Variants in RRP15 observed in about 807,000 individuals in gnomAD.
RRP15 encodes the protein ribosomal RNA processing 15 homolog.
RRP15 carries 18 observed loss-of-function variants against 27.1 expected under a neutral mutation model. The observed-to-expected ratio is 0.66, with a 90% CI of 0.46 to 0.98. The LOEUF (loss-of-function observed/expected upper bound fraction) is 0.98, where lower values mean the gene tolerates loss of function less well. Among genes scored for constraint, RRP15 ranks in the 50% least tolerant of loss-of-function variants. The pLI, the probability that RRP15 is intolerant of heterozygous loss-of-function variation, is 0.00. For synonymous variants in RRP15, 107 were observed against 109.4 expected (o/e 0.98, Z 0.14); for missense variants, 359 against 337.8 (o/e 1.06, Z -0.49).
intron 4 of RRP15, among the ~76,000 whole-genome samples, chr1:218,320,543 A>T (rs377609380): frequency 6.6e-6 from 1 of 152,172 alleles, no homozygotes; most frequent in African/African-American, 2.4e-5. Context: ...AGGAAAATCA[A>T]TGTTGAATTA....
chr1:218,316,764 A>G (rs1656095478), intron 4 of RRP15, among the ~76,000 whole-genome samples: 1 of 152,194 alleles, frequency 6.6e-6, no homozygotes, highest in African/African-American at 2.4e-5. Context: ...AGTTCCCTAT[A>G]TTGGTGCTTA....
intron 4 of RRP15, among the ~76,000 whole-genome samples, chr1:218,319,297 T>C (rs1656141098): frequency 6.6e-6 from 1 of 152,168 alleles, no homozygotes; most frequent in African/African-American, 2.4e-5. Flanking sequence ...ACTCCTGACC[T>C]CAGGTGATCC....
chr1:218,294,231 GCAAGTAAT>G (rs1226166254), intron 1 of RRP15, among the ~76,000 whole-genome samples: 2 of 152,198 alleles, frequency 1.3e-5, no homozygotes, highest in Non-Finnish European at 2.9e-5. Flanking sequence ...CACACCCTAA[GCAAGTAAT>G]CAATTCTGCA....
chr1:218,288,498 A>G (rs116066926), intron 1 of RRP15, among the ~76,000 whole-genome samples: 3,596 of 152,276 alleles, frequency 0.024, 57 homozygotes, highest in Non-Finnish European at 0.037. Context: ...AGATGCTGCT[A>G]TTATCCTCCT....
At chr1:218,287,349 A>T (rs563204689) in intron 1 of RRP15, among the ~76,000 whole-genome samples, 1 of 152,206 alleles carries the variant, frequency 6.6e-6, no homozygotes, top group South Asian at 2.1e-4. Flanking sequence ...TCAGCGTATT[A>T]TTATAAATGC....
At chr1:218,305,525 A>C (rs1180635911) in intron 3 of RRP15, among the ~76,000 whole-genome samples, 1 of 152,106 alleles carries the variant, frequency 6.6e-6, no homozygotes, top group Admixed American at 6.6e-5. Context: ...TTATTTATTC[A>C]TTGGCACCAA....
chr1:218,318,215 T>C (rs1450317946), intron 4 of RRP15, among the ~76,000 whole-genome samples: 2 of 152,152 alleles, frequency 1.3e-5, no homozygotes, highest in Non-Finnish European at 2.9e-5. Context: ...ATTACCCCCA[T>C]GTGCCCCGAA....
At chr1:218,320,103 A>C (rs1411998132) in intron 4 of RRP15, among the ~76,000 whole-genome samples, 1 of 149,286 alleles carries the variant, frequency 6.7e-6, no homozygotes, top group Non-Finnish European at 1.5e-5. Flanking sequence ...GTACATGTGC[A>C]CAATGTGCAG....
rs747034447 is a variant in RRP15 at position 218,307,411 on chromosome 1, G to C, written c.504-20G>C. The C allele has an allele frequency of 3.8e-6, 6 of 1,591,422 alleles. No individual in the cohort carries two copies. The highest frequency in any genetic ancestry group is 4.3e-6 in the Non-Finnish European group (5 of 1,162,590). On this transcript the variant is annotated intron_variant, in intron 3 of 4. Transcript: ENST00000366932. ...GGGTAATTATTTAATACATCATTCT[G>C]GTCATTTTATATTCTACAGGGGTGT...
At chr1:218,305,277 G>T in intron 3 of RRP15, 152 bp downstream of exon 3, 1 of 584,596 alleles carries the variant, frequency 1.7e-6, no homozygotes, top group Non-Finnish European at 3.1e-6. Flanking sequence ...TTCAACCAAA[G>T]ATTTTCCAGG....
rs548399582 is a variant in RRP15 at position 218,331,741 on chromosome 1, C to T, written c.*650C>T. The T allele has an allele frequency of 1.6e-5, 2 of 127,912 alleles. No homozygotes were observed. The highest frequency in any genetic ancestry group is 3.1e-5 in the Non-Finnish European group (2 of 63,682). The allele number at this position is 127,912 out of a possible 1,614,324, so 7.9% of individuals were successfully genotyped here. A position where few individuals can be genotyped will look rare whatever the true frequency, so the allele number is the denominator to read the frequency against. ...CGGATGGAATGCAGTGGCGTGATCTCGGCTCACTGCAAGCACCGCCTCCCA... is the reference window on the plus strand; with the variant it reads ...CGGATGGAATGCAGTGGCGTGATCTTGGCTCACTGCAAGCACCGCCTCCCA... On this transcript the variant is annotated 3_prime_UTR_variant, in exon 5 of 5. Transcript: ENST00000366932.
chr1:218,305,904 C>T (rs902921319), intron 3 of RRP15, among the ~76,000 whole-genome samples: 1 of 152,122 alleles, frequency 6.6e-6, no homozygotes, highest in Non-Finnish European at 1.5e-5. Context: ...CTGGCTCTTA[C>T]TAGCAGTGTG....
intron 4 of RRP15, among the ~76,000 whole-genome samples, chr1:218,328,894 A>T (rs747766591): frequency 1.3e-5 from 2 of 152,116 alleles, no homozygotes; most frequent in African/African-American, 4.8e-5. Flanking sequence ...CTTGCCTAAC[A>T]TAGAGGCTTC....
intron 4 of RRP15, among the ~76,000 whole-genome samples, chr1:218,315,699 T>G (rs1656080394): frequency 6.6e-6 from 1 of 151,668 alleles, no homozygotes; most frequent in Non-Finnish European, 1.5e-5. Context: ...CAAGTGATCC[T>G]CCGACCTGGG....
chr1:218,326,900 T>A (rs1468478403), intron 4 of RRP15, among the ~76,000 whole-genome samples: 1 of 152,194 alleles, frequency 6.6e-6, no homozygotes, highest in Non-Finnish European at 1.5e-5. Flanking sequence ...TTCACCCCAG[T>A]GCTTTTTATT....
intron 1 of RRP15, among the ~76,000 whole-genome samples, chr1:218,290,207 A>G (rs1202594295): frequency 6.6e-6 from 1 of 152,214 alleles, no homozygotes. Flanking sequence ...ACATTGTTGG[A>G]CATCATGGTA....
rs1656428489 is a variant in RRP15 at position 218,335,051 on chromosome 1, T to G, written c.*3960T>G. 6.6e-6 allele frequency: 1 copy of G among 152,170 alleles called. No individual in the cohort carries two copies. The highest frequency in any genetic ancestry group is 2.4e-5 in the African/African-American group (1 of 41,440). 9.4% of individuals were successfully genotyped at this position (152,170 alleles called of 1,614,324 possible). On this transcript the variant is annotated 3_prime_UTR_variant, in exon 5 of 5. Transcript: ENST00000366932. ...GACATTTAGAATTGTGATTAATGTT[T>G]TAATAAAATGCTAAGTTAGAATGAA...
chr1:218,302,890 T>C (rs1274801950), intron 2 of RRP15, among the ~76,000 whole-genome samples: 1 of 152,198 alleles, frequency 6.6e-6, no homozygotes, highest in Non-Finnish European at 1.5e-5. Flanking sequence ...CTTTATTAGG[T>C]TGTGAACTAA....
chr1:218,294,691 T>C (rs1478495038), intron 1 of RRP15, among the ~76,000 whole-genome samples: 2 of 152,062 alleles, frequency 1.3e-5, no homozygotes, highest in Non-Finnish European at 2.9e-5. Flanking sequence ...TACATAAGCA[T>C]GGTTGATTAA....
Sources: gnomAD v4.1 joint callset for allele counts (sites outside exome capture counted in the v4.1 genomes callset) on GRCh38, gnomAD v4.1.1 for gene constraint, MANE v1.5 for transcripts, NCBI Gene and HGNC (gene_info 2026-07-23, HGNC 2026-07-21) for gene names.